The following NDRG4 variants were observed in gnomAD, a reference collection of about 807,000 sequenced individuals.
NDRG4 encodes NDRG family member 4, also known as protein NDRG4.
NDRG4 carries 38 observed loss-of-function variants against 55.8 expected under a neutral mutation model. That is an observed-to-expected ratio of 0.68 (90% confidence interval 0.53 to 0.89). NDRG4 has a LOEUF of 0.89. NDRG4 is among the 40% of genes least tolerant of loss of function. The pLI, the probability that NDRG4 is intolerant of heterozygous loss-of-function variation, is 0.00. For missense variants in NDRG4, 455 were observed against 468.6 expected, an observed-to-expected ratio of 0.97 and a Z score of 0.27; for synonymous variants, 190 against 182.7, an observed-to-expected ratio of 1.04 and a Z score of -0.32.
Position 58,506,602 on chromosome 16 carries a change from C to T in NDRG4, c.504C>T (p.His168=). The change falls in exon 7 of 15, where the codon CAC becomes CAT. Residue 168 remains histidine, a synonymous_variant. Transcript: ENST00000570248. ...TSTLPDTVLS[H]LFSQEELVNN... ...CTTTACCCGACACGGTGCTCTCCCA[C>T]CTCTTCAGCCAGGTAAGGGGGGGAA... is the stretch of plus-strand genomic sequence containing the variant. 1.3e-6 allele frequency: 2 copies of T among 1,560,588 alleles called. No homozygotes were observed. Among genetic ancestry groups the T allele is most frequent in the Non-Finnish European group, 1.7e-6 (2 of 1,155,586 alleles).
chr16:58,479,831 C>T (rs2034181612), intron 1 of NDRG4, among the ~76,000 whole-genome samples: 1 of 152,186 alleles, frequency 6.6e-6, no homozygotes, highest in Non-Finnish European at 1.5e-5. Flanking sequence ...GTTTCACGTG[C>T]ATTTCTCTGA....
intron 1 of NDRG4, 123 bp from the exon 2 acceptor site, chr16:58,503,675 C>G (rs2037455546): frequency 6.5e-7 from 1 of 1,543,056 alleles, no homozygotes; most frequent in African/African-American, 1.4e-5. Context: ...GTGATGAGAA[C>G]AGGATGCCCC....
At chr16:58,476,097 A>G (rs1418799896) in intron 1 of NDRG4, among the ~76,000 whole-genome samples, 1 of 152,228 alleles carries the variant, frequency 6.6e-6, no homozygotes, top group Non-Finnish European at 1.5e-5. Flanking sequence ...GCGCCCAGCC[A>G]TGTCTCCCCT....
rs58901035 is a variant in NDRG4 at position 58,492,489 on chromosome 16, CGTGTGTGTGTGTGTGTGTGTGTGT to C, written c.73-2435_73-2412del. 4.6e-3 allele frequency among the ~76,000 whole-genome samples: 565 copies of C among 124,032 alleles called. 4 individuals are homozygous for C. The highest frequency in any genetic ancestry group is 1.0e-2 in the Admixed American group (117 of 11,750). The allele number at this position is 124,032 out of a possible 152,430, so 81.4% of individuals were successfully genotyped here. On this transcript the variant is annotated intron_variant, in intron 2 of 15. Coordinates refer to the NDRG4 transcript ENST00000258187. ...CACACCCTGCCATTATCTGCTCCAC[CGTGTGTGTGTGTGTGTGTGTGTGT>C]GTGTGTGTGTGTGTGTGTGTGTGTG...
chr16:58,509,841 A>G (rs182421682), intron 13 of NDRG4, among the ~76,000 whole-genome samples: 1 of 152,238 alleles, frequency 6.6e-6, no homozygotes, highest in Admixed American at 6.5e-5. Context: ...AGGGAAGGCA[A>G]CTGGGGCCGC....
intron 1 of NDRG4, chr16:58,503,591 C>A: frequency 1.0e-6 from 1 of 966,820 alleles, no homozygotes; most frequent in Non-Finnish European, 1.6e-6. Flanking sequence ...CAGATCAGTT[C>A]ACATTGTCTC....
At chr16:58,502,094 CCT>C (rs1278136624) in intron 1 of NDRG4, 8 of 433,566 alleles carry the variant, frequency 1.8e-5, no homozygotes, top group Middle Eastern at 3.8e-4. Flanking sequence ...CGCCCTGGCC[CCT>C]GAGACTGGCA....
At chr16:58,511,339 G>A (rs1369916637) in intron 14 of NDRG4, 83 bp from the exon 15 acceptor site, 15 of 1,452,980 alleles carry the variant, frequency 1.0e-5, no homozygotes, top group Middle Eastern at 5.1e-4. Context: ...TTCGCTGGCC[G>A]CTTTGCTTGC....
intron 1 of NDRG4, among the ~76,000 whole-genome samples, chr16:58,482,467 T>TG (rs1467748736): frequency 6.6e-6 from 1 of 152,120 alleles, no homozygotes; most frequent in African/African-American, 2.4e-5. Context: ...TGTGCAGCTG[T>TG]GGGGGGTAGA....
intron 8 of NDRG4, 143 bp downstream of exon 8, chr16:58,507,158 C>G (rs754573679): frequency 1.5e-6 from 1 of 670,314 alleles, no homozygotes; most frequent in Non-Finnish European, 2.7e-6. Context: ...GAGGTCATTT[C>G]CTGCACAAGG....
chr16:58,497,342 A>G (rs918996160), upstream of NDRG4, among the ~76,000 whole-genome samples: 3 of 152,140 alleles, frequency 2.0e-5, no homozygotes, highest in African/African-American at 4.8e-5. Context: ...AGAAGAAGAA[A>G]AAAAAAGAGG....
chr16:58,506,267 A>G, intron 5 of NDRG4, 120 bp from the exon 6 acceptor site: 1 of 922,312 alleles, frequency 1.1e-6, no homozygotes, highest in Non-Finnish European at 1.8e-6. Context: ...ATGGGTGTGC[A>G]TGCACAGACC....
chr16:58,484,943 G>A (rs944421241), intron 1 of NDRG4, among the ~76,000 whole-genome samples: 1 of 148,248 alleles, frequency 6.7e-6, no homozygotes, highest in Non-Finnish European at 1.5e-5. Flanking sequence ...GTACAGTGGC[G>A]CAATCTCGGC....
At chr16:58,493,010 C>G (rs2035981766) in intron 2 of NDRG4, among the ~76,000 whole-genome samples, 1 of 152,192 alleles carries the variant, frequency 6.6e-6, no homozygotes, top group Non-Finnish European at 1.5e-5. Flanking sequence ...CAGCCCAAAG[C>G]CTGGCTTTCC....
At position 58,510,847 on chromosome 16, in the gene NDRG4, G is replaced by A. The variant is rs37038; in HGVS notation, c.904+164G>A. 0.92 allele frequency: 625,371 copies of A among 679,862 alleles called. 288,044 individuals are homozygous for A. Among genetic ancestry groups the A allele is most frequent in the East Asian group, 0.99 (36,149 of 36,676 alleles). The allele number at this position is 679,862 out of a possible 1,614,324, so 42.1% of individuals were successfully genotyped here. A position where few individuals can be genotyped will look rare whatever the true frequency, so the allele number is the denominator to read the frequency against. Reference sequence around the variant, plus strand: ...CCCACAGATTCTTGCTTTTCTGCAGGCTTGGCCTCTAGGTTGGCTGGGTTG... The same window carrying A: ...CCCACAGATTCTTGCTTTTCTGCAGACTTGGCCTCTAGGTTGGCTGGGTTG... On this transcript the variant is annotated intron_variant, in intron 14 of 14. Transcript: ENST00000570248.
At chr16:58,474,804 G>A (rs2033402523) in intron 1 of NDRG4, among the ~76,000 whole-genome samples, 1 of 152,220 alleles carries the variant, frequency 6.6e-6, no homozygotes, top group Admixed American at 6.5e-5. Context: ...CACATGTACT[G>A]AGAATGGGGA....
intron 1 of NDRG4, among the ~76,000 whole-genome samples, chr16:58,485,844 A>G (rs984518067): frequency 1.3e-5 from 2 of 152,118 alleles, no homozygotes; most frequent in Non-Finnish European, 2.9e-5. Flanking sequence ...ATTGACACAC[A>G]GTTTATCTTG....
Position 58,507,952 on chromosome 16 carries a change from C to T in NDRG4, c.682C>T (p.Pro228Ser). ...CCTTTTCCTCTGTATCTGCAGCTGC[C>T]CCGTGATGCTGGTGGTTGGGGATAA... ...TVPNAKTLRC[P>S]VMLVVGDNAP... is the part of the protein sequence containing the mutation. Residue 228 changes from proline to serine, a missense_variant, in exon 10 of 15, where the codon CCC becomes TCC. Coordinates refer to ENST00000570248, the MANE Select transcript of NDRG4 (RefSeq NM_001242835.2). The T allele has an allele frequency of 6.2e-7, 1 of 1,606,054 alleles. No individual in the cohort carries two copies. Among genetic ancestry groups the T allele is most frequent in the Non-Finnish European group, 8.5e-7 (1 of 1,174,280 alleles).
At position 58,511,932 on chromosome 16, in the gene NDRG4, C is replaced by T; in HGVS notation, c.*356C>T. On this transcript the variant is annotated 3_prime_UTR_variant, in exon 15 of 15. Coordinates refer to ENST00000570248, the MANE Select transcript of NDRG4 (RefSeq NM_001242835.2). Reference sequence around the variant, plus strand: ...GCATGTTTGGAGATGAGAGAGGCTTCGAGAGGGTGGGTGCTGGGCCACAGG... The same window carrying T: ...GCATGTTTGGAGATGAGAGAGGCTTTGAGAGGGTGGGTGCTGGGCCACAGG... 3 of 449,574 alleles carry T rather than the reference C, an allele frequency of 6.7e-6. No homozygotes were observed. The highest frequency in any genetic ancestry group is 1.7e-5 in the South Asian group (1 of 59,416). 27.8% of individuals were successfully genotyped at this position (449,574 alleles called of 1,614,324 possible).
Sources: allele counts gnomAD v4.1 joint callset (sites outside exome capture counted in the v4.1 genomes callset), GRCh38; gene constraint gnomAD v4.1.1; transcripts MANE v1.5; gene names NCBI Gene and HGNC (gene_info 2026-07-23, HGNC 2026-07-21).